Variants in TANGO6 observed in about 807,000 individuals in gnomAD.
TANGO6 encodes transport and golgi organization 6 homolog, also known as transport and Golgi organization protein 6 homolog.
TANGO6 carries 90 observed loss-of-function variants against 114.2 expected under a neutral mutation model. That is an observed-to-expected ratio of 0.79 (90% confidence interval 0.66 to 0.94). TANGO6 has a LOEUF of 0.94. TANGO6 is among the 40% of genes least tolerant of loss of function. TANGO6 has a pLI of 0.00. For synonymous variants in TANGO6, 477 were observed against 509.8 expected (o/e 0.94, Z 0.87); for missense variants, 1,274 against 1,315.3 (o/e 0.97, Z 0.49).
intron 1 of TANGO6, among the ~76,000 whole-genome samples, chr16:68,844,967 CTT>C (rs200473627): frequency 9.9e-5 from 13 of 131,130 alleles, no homozygotes; most frequent in Admixed American, 1.6e-4. Flanking sequence ...AACGGCAACT[CTT>C]TTTTTTTTTT....
At chr16:68,844,300 G>A (rs1567521466) in intron 1 of TANGO6, among the ~76,000 whole-genome samples, 2 of 152,136 alleles carry the variant, frequency 1.3e-5, no homozygotes, top group African/African-American at 2.4e-5. Context: ...TTTTGCGACT[G>A]AGGACACCCA....
At chr16:68,864,127 T>C (rs1406780087) in intron 3 of TANGO6, among the ~76,000 whole-genome samples, 1 of 151,190 alleles carries the variant, frequency 6.6e-6, no homozygotes, top group Non-Finnish European at 1.5e-5. Context: ...CGAGATGAGA[T>C]CACGCCATTG....
At chr16:68,909,164 G>A (rs1962890011) in intron 10 of TANGO6, 47 bp from the exon 11 acceptor site, 7 of 1,360,168 alleles carry the variant, frequency 5.1e-6, no homozygotes, top group Non-Finnish European at 2.9e-6. Context: ...GAAGGCCTTA[G>A]TTGTACTGGC....
At chr16:68,947,064 C>T (rs1414516938) in intron 14 of TANGO6, among the ~76,000 whole-genome samples, 1 of 152,028 alleles carries the variant, frequency 6.6e-6, no homozygotes, top group African/African-American at 2.4e-5. Context: ...ATGTTCTTGG[C>T]CTCTTAATCT....
At position 69,026,421 on chromosome 16, in the gene TANGO6, G is replaced by C. The variant is rs556057266; in HGVS notation, c.2994+3442G>C. ...TGTTTTGCAGCCAAACCAGACCATG[G>C]AGCCACTCTTCCATAACATCCAGAA... On this transcript the variant is annotated intron_variant, in intron 16 of 17. Coordinates refer to ENST00000261778, the MANE Select transcript of TANGO6 (RefSeq NM_024562.2). 2.3e-5 allele frequency: 4 copies of C among 177,238 alleles called. No individual in the cohort carries two copies. The East Asian group carries it at 6.3e-4, about 28-fold the overall frequency. The allele number at this position is 177,238 out of a possible 1,614,324, so 11.0% of individuals were successfully genotyped here.
intron 14 of TANGO6, among the ~76,000 whole-genome samples, chr16:68,951,432 A>G (rs1027316326): frequency 1.5e-4 from 23 of 152,084 alleles, no homozygotes; most frequent in African/African-American, 5.6e-4. Flanking sequence ...AGGAGTCAGT[A>G]TCTTCATCTC....
At chr16:69,032,460 ATT>A (rs1051630110) in intron 16 of TANGO6, among the ~76,000 whole-genome samples, 4 of 151,208 alleles carry the variant, frequency 2.6e-5, no homozygotes, top group African/African-American at 9.7e-5. Flanking sequence ...TAGAGGCAGG[ATT>A]TCACCATGTT....
At chr16:68,962,335 A>C (rs529592962) in intron 14 of TANGO6, among the ~76,000 whole-genome samples, 1 of 152,198 alleles carries the variant, frequency 6.6e-6, no homozygotes, top group Non-Finnish European at 1.5e-5. Context: ...AGAGAGGCCA[A>C]TCAGACTGGT....
chr16:68,908,637 T>C (rs2152185716), intron 10 of TANGO6, among the ~76,000 whole-genome samples: 1 of 152,094 alleles, frequency 6.6e-6, no homozygotes, highest in East Asian at 1.9e-4. Context: ...CCAAAAAGGG[T>C]AGGTGAATAG....
chr16:68,879,567 A>G (rs942642382), intron 6 of TANGO6, among the ~76,000 whole-genome samples: 6 of 151,916 alleles, frequency 3.9e-5, no homozygotes, highest in Admixed American at 2.0e-4. Context: ...TATATAATGA[A>G]CTCCTATGTA....
intron 3 of TANGO6, among the ~76,000 whole-genome samples, chr16:68,865,228 A>C (rs1460245396): frequency 6.6e-6 from 1 of 150,680 alleles, no homozygotes; most frequent in Non-Finnish European, 1.5e-5. Context: ...GTGAGCCCAG[A>C]TCGCGCCACT....
At chr16:69,048,185 C>T (rs1041981410) in intron 17 of TANGO6, among the ~76,000 whole-genome samples, 8 of 151,488 alleles carry the variant, frequency 5.3e-5, no homozygotes, top group South Asian at 2.1e-4. Flanking sequence ...TGGGTTCAAG[C>T]GATTCTTGTG....
At chr16:69,052,860 G>A (rs987089013) in intron 17 of TANGO6, among the ~76,000 whole-genome samples, 1 of 152,074 alleles carries the variant, frequency 6.6e-6, no homozygotes, top group Non-Finnish European at 1.5e-5. Flanking sequence ...TGTAATCCCA[G>A]CACTTTGGGA....
rs1373584157 is a variant in TANGO6 at position 68,900,492 on chromosome 16, T to C, written c.1436T>C (p.Leu479Pro). The C allele has an allele frequency of 6.2e-7, 1 of 1,614,026 alleles. No individual in the cohort carries two copies. The highest frequency in any genetic ancestry group is 8.5e-7 in the Non-Finnish European group (1 of 1,179,890). Residue 479 changes from leucine (L) to proline (P), a missense_variant, in exon 8 of 18, where the codon CTG (leucine) becomes CCG (proline). Physicochemically the swap from Leu to Pro is moderately conservative, Grantham distance 98. Transcript: ENST00000261778. ...TTGATGGATTCCCTGCTTCCAGTCC[T>C]GGGAGTGCTTTTTCTTCTCTACTGT... ...TVLMDSLLPV[L>P]GVLFLLYCFT...
intron 16 of TANGO6, among the ~76,000 whole-genome samples, chr16:69,030,107 CAAAAAAAAAAA>C (rs529117472): frequency 1.6e-5 from 1 of 62,540 alleles, no homozygotes; most frequent in East Asian, 5.5e-4. Flanking sequence ...GACTCTGACT[CAAAAAAAAAAA>C]AAAAAAAAAG....
At chr16:68,935,631 T>G (rs576799077) in intron 14 of TANGO6, among the ~76,000 whole-genome samples, 1 of 152,304 alleles carries the variant, frequency 6.6e-6, no homozygotes, top group East Asian at 1.9e-4. Context: ...AACAGCTTCT[T>G]CAGGCAGAGA....
At chr16:69,023,535 A>G (rs929647941) in intron 16 of TANGO6, among the ~76,000 whole-genome samples, 3 of 152,184 alleles carry the variant, frequency 2.0e-5, no homozygotes, top group African/African-American at 4.8e-5. Context: ...ACCTACCTTA[A>G]GCAATAAAAG....
chr16:69,010,762 C>G (rs1964135907), intron 15 of TANGO6, among the ~76,000 whole-genome samples: 1 of 152,198 alleles, frequency 6.6e-6, no homozygotes. Context: ...AAATCTCCAT[C>G]ATCTCTCAAT....
rs113692809 is a variant in TANGO6, at chr16:69,017,803, A to G, written c.2843-5025A>G. Reference sequence around the variant, plus strand: ...CACAGATCTCTAACTCTGGATCCTCATCTCCCACTGCAGAGTGAGCAAGCC... The same window carrying G: ...CACAGATCTCTAACTCTGGATCCTCGTCTCCCACTGCAGAGTGAGCAAGCC... On this transcript the variant is annotated intron_variant, in intron 15 of 17. Coordinates refer to ENST00000261778, the MANE Select transcript of TANGO6 (RefSeq NM_024562.2). 4.7e-3 allele frequency among the ~76,000 whole-genome samples: 720 copies of G among 152,182 alleles called. 6 individuals carry two copies. Among genetic ancestry groups the G allele is most frequent in the African/African-American group, 0.017 (687 of 41,512 alleles).
Sources: gnomAD v4.1 joint callset for allele counts (sites outside exome capture counted in the v4.1 genomes callset) on GRCh38, gnomAD v4.1.1 for gene constraint, MANE v1.5 for transcripts, NCBI Gene and HGNC (gene_info 2026-07-23, HGNC 2026-07-21) for gene names.